The following UPRT variants were observed in gnomAD, a reference collection of about 807,000 sequenced individuals.
UPRT encodes RP11-311P8.3.
In UPRT, 5 loss-of-function variants were observed where a neutral mutation model predicts 22.6. The observed-to-expected ratio is 0.22, with a 90% CI of 0.12 to 0.47. The LOEUF (loss-of-function observed/expected upper bound fraction) is 0.47. UPRT is among the 20% of genes least tolerant of loss of function. The pLI is 0.99. For synonymous variants in UPRT, 77 were observed against 87.7 expected (o/e 0.88, Z 0.68); for missense variants, 181 against 239.9 (o/e 0.75, Z 1.62).
intron 4 of UPRT, among the ~76,000 whole-genome samples, chrX:75,235,689 A>T (rs986249592): frequency 1.8e-5 from 2 of 112,044 alleles, no homozygotes; most frequent in African/African-American, 6.5e-5. Context: ...AGAACCAAAG[A>T]CCAAAACCAC....
chrX:75,182,966 T>A (rs774727983), intron 4 of UPRT, among the ~76,000 whole-genome samples: 97 of 111,269 alleles, frequency 8.7e-4, no homozygotes, highest in Non-Finnish European at 1.6e-3. Context: ...TTTCTAAATT[T>A]TTGACGTGGG....
intron 4 of UPRT, among the ~76,000 whole-genome samples, chrX:75,229,049 C>A (rs746447556): frequency 1.2e-4 from 13 of 111,915 alleles, no homozygotes; most frequent in African/African-American, 3.9e-4. Context: ...TGCAAACTTT[C>A]AGTTCTGAAA....
intron 4 of UPRT, among the ~76,000 whole-genome samples, chrX:75,229,332 C>T (rs189060346): frequency 9.0e-6 from 1 of 111,695 alleles, no homozygotes; most frequent in African/African-American, 3.3e-5. Flanking sequence ...AGCAAATAAA[C>T]AAACAGTAAC....
At chrX:75,232,645 C>G (rs867566521) in intron 4 of UPRT, among the ~76,000 whole-genome samples, 1 of 112,224 alleles carries the variant, frequency 8.9e-6, no homozygotes, top group Non-Finnish European at 1.9e-5. Flanking sequence ...CCCAAGCAGC[C>G]TAACTGGGAG....
chrX:75,270,620 G>C (rs774639756), upstream of UPRT, among the ~76,000 whole-genome samples: 1 of 111,661 alleles, frequency 9.0e-6, no homozygotes, highest in South Asian at 3.7e-4. Flanking sequence ...CATGGATGAA[G>C]CTGGGAACCA....
chrX:75,237,533 G>T (rs1401426501), intron 4 of UPRT, among the ~76,000 whole-genome samples: 1 of 110,030 alleles, frequency 9.1e-6, no homozygotes, highest in Non-Finnish European at 1.9e-5. Context: ...CAATAGCAAA[G>T]ACTTGGAACC....
chrX:75,264,981 T>C (rs2082582697), intron 4 of UPRT, among the ~76,000 whole-genome samples: 1 of 112,103 alleles, frequency 8.9e-6, no homozygotes, highest in Admixed American at 9.5e-5. Context: ...TGAAAATTCT[T>C]TTCTTTAAGA....
Position 75,266,430 on chromosome X carries a change from A to C in UPRT, c.-446-24594A>C, listed in dbSNP as rs187224860. Among the ~76,000 whole-genome samples the C allele has an allele frequency of 2.8e-3, 312 of 111,970 alleles. 1 individual carries two copies. Among genetic ancestry groups the C allele is most frequent in the African/African-American group, 9.7e-3 (299 of 30,842 alleles). ...GGATCCCTTCCTTACACCTTATAATAAAATTAATTCGAGATGGATTAAAGA... is the reference window on the plus strand; with the variant it reads ...GGATCCCTTCCTTACACCTTATAATCAAATTAATTCGAGATGGATTAAAGA... On this transcript the variant is annotated intron_variant, in intron 4 of 13. Transcript: ENST00000652605.
At chrX:75,236,131 A>G (rs767236133) in intron 4 of UPRT, among the ~76,000 whole-genome samples, 1 of 111,730 alleles carries the variant, frequency 9.0e-6, no homozygotes, top group South Asian at 3.8e-4. Flanking sequence ...TACAAAAATC[A>G]CAAGCATTCT....
intron 4 of UPRT, among the ~76,000 whole-genome samples, chrX:75,254,796 T>G (rs1203304936): frequency 1.2e-5 from 1 of 86,497 alleles, no homozygotes; most frequent in Non-Finnish European, 2.1e-5. Flanking sequence ...TGAGACGGAG[T>G]CTCGCTCTGT....
At chrX:75,196,626 C>G (rs2082333324) in intron 4 of UPRT, among the ~76,000 whole-genome samples, 1 of 112,030 alleles carries the variant, frequency 8.9e-6, no homozygotes, top group Non-Finnish European at 1.9e-5. Context: ...GCAGGTGGAT[C>G]ACTTGAGGCC....
intron 4 of UPRT, among the ~76,000 whole-genome samples, chrX:75,208,203 TGA>T (rs1447399286): frequency 8.9e-6 from 1 of 111,865 alleles, no homozygotes; most frequent in Non-Finnish European, 1.9e-5. Context: ...TGGGCTACCT[TGA>T]GTCTTTGTGG....
chrX:75,273,587 C>T (rs911384490), upstream of UPRT, among the ~76,000 whole-genome samples: 1 of 111,259 alleles, frequency 9.0e-6, no homozygotes, highest in Non-Finnish European at 1.9e-5. Context: ...CCCATGACAA[C>T]GTGTACACTG....
intron 2 of UPRT, among the ~76,000 whole-genome samples, chrX:75,161,190 G>A (rs1466862357): frequency 7.2e-5 from 8 of 111,779 alleles, no homozygotes; most frequent in Non-Finnish European, 1.3e-4. Flanking sequence ...TTGTATCATC[G>A]AATTTAATCC....
intron 4 of UPRT, among the ~76,000 whole-genome samples, chrX:75,186,404 T>A (rs2082291692): frequency 8.9e-6 from 1 of 111,745 alleles, no homozygotes; most frequent in Non-Finnish European, 1.9e-5. Context: ...TTATAATTTC[T>A]GTTCTTTTAC....
chrX:75,204,459 C>A (rs1450024621), intron 4 of UPRT, among the ~76,000 whole-genome samples: 2 of 112,265 alleles, frequency 1.8e-5, no homozygotes, highest in Admixed American at 1.9e-4. Context: ...GGTTGACAGG[C>A]AAGAGTTGTA....
At chrX:75,190,650 C>T (rs2082311780) in intron 4 of UPRT, among the ~76,000 whole-genome samples, 1 of 112,040 alleles carries the variant, frequency 8.9e-6, no homozygotes, top group South Asian at 3.7e-4. Context: ...CACATAGTCC[C>T]ATATTTCTTG....
Position 75,274,581 on chromosome X carries a change from G to T in UPRT, c.327G>T (p.Gln109His). The T allele has an allele frequency of 8.3e-7, 1 of 1,209,653 alleles. No individual in the cohort carries two copies. Among genetic ancestry groups the T allele is most frequent in the Non-Finnish European group, 1.1e-6 (1 of 894,497 alleles). ...AACTCTCCCGGCAGATCGGGGCGCA[G>T]CTTAAGCTGCTGCCTATGAATGATC... is the stretch of plus-strand genomic sequence containing the variant. Reference protein sequence around the residue: ...DCELSRQIGAQLKLLPMNDQI... With the variant: ...DCELSRQIGAHLKLLPMNDQI... Residue 109 changes from glutamine to histidine, a missense_variant, in exon 1 of 7, where the codon CAG (glutamine) becomes CAT (histidine). Around this residue, in one of 2 missense-constraint regions of UPRT, gnomAD observed 111 missense variants for 102.8 expected, o/e 1.08. Transcript: ENST00000373383.
At chrX:75,218,342 C>T (rs1450922231) in intron 4 of UPRT, among the ~76,000 whole-genome samples, 1 of 109,944 alleles carries the variant, frequency 9.1e-6, no homozygotes, top group Non-Finnish European at 1.9e-5. Flanking sequence ...AATGAGATAC[C>T]ATCTCACACC....
Sources: gnomAD v4.1 joint callset for allele counts (sites outside exome capture counted in the v4.1 genomes callset) on GRCh38, gnomAD v4.1.1 for gene constraint, gnomAD v4.1.1 regional missense constraint, MANE v1.5 for transcripts, NCBI Gene and HGNC (gene_info 2026-07-23, HGNC 2026-07-21) for gene names.